Variants in STAU1 observed in about 807,000 individuals in gnomAD.
STAU1 encodes staufen double-stranded RNA binding protein 1.
In STAU1, 13 loss-of-function variants were observed where a neutral mutation model predicts 62.9. The observed-to-expected ratio is 0.21, with a 90% CI of 0.13 to 0.33. STAU1 has a LOEUF of 0.33. Ranked by LOEUF, STAU1 falls within the 10% of genes least tolerant of loss-of-function variation. The pLI, the probability that STAU1 is intolerant of heterozygous loss-of-function variation, is 1.00. For synonymous variants in STAU1, 269 were observed against 265.1 expected (o/e 1.01, Z -0.14); for missense variants, 571 against 712.1 (o/e 0.80, Z 2.25).
At chr20:49,198,105 A>T in the STAU1 span, among the ~76,000 whole-genome samples, 1 of 152,358 alleles carries the variant, frequency 6.6e-6, no homozygotes, top group South Asian at 2.1e-4. Context: ...AAGTTTATAA[A>T]AGTATATGAG....
At chr20:49,119,872 G>T (rs1339407123) in intron 9 of STAU1, 110 bp downstream of exon 9, 24 of 1,338,262 alleles carry the variant, frequency 1.8e-5, no homozygotes, top group Non-Finnish European at 2.3e-5. Flanking sequence ...AGGACTCCTT[G>T]AACTGTCAGG....
At position 49,124,440 on chromosome 20, in the gene STAU1, G is replaced by T. The variant is rs764989061; in HGVS notation, c.757C>A (p.Pro253Thr). The T allele has an allele frequency of 6.2e-7, 1 of 1,614,192 alleles. No individual in the cohort carries two copies. The highest frequency in any genetic ancestry group is 1.7e-5 in the Admixed American group (1 of 60,026). The part of the protein sequence containing the change: ...IAVLEELKKL[P>T]PLPAVERVKP... ...ACTCGTTCAACTGCAGGCAGGGGCGGTAACTTCTTCAGCTCCTCAAGAACA... is the reference window on the plus strand; with the variant it reads ...ACTCGTTCAACTGCAGGCAGGGGCGTTAACTTCTTCAGCTCCTCAAGAACA... The change falls in exon 7 of 14, where the codon CCG (proline) becomes ACG (threonine). Residue 253 changes from proline to threonine, a missense_variant. Coordinates refer to ENST00000371856, the MANE Select transcript of STAU1 (RefSeq NM_017453.4).
chr20:49,160,463 T>C (rs565903305), intron 3 of STAU1, among the ~76,000 whole-genome samples: 5 of 152,276 alleles, frequency 3.3e-5, no homozygotes, highest in South Asian at 4.1e-4. Flanking sequence ...CATCTTACGC[T>C]ACAGCTGCAA....
At chr20:49,146,737 A>C (rs181355071) in intron 5 of STAU1, among the ~76,000 whole-genome samples, 1 of 151,654 alleles carries the variant, frequency 6.6e-6, no homozygotes, top group East Asian at 1.9e-4. Context: ...AGAAACAAAA[A>C]TACATACACA....
At position 49,188,247 on chromosome 20, in the gene STAU1, G is replaced by A. The variant is rs992997750; in HGVS notation, c.-291C>T. On this transcript the variant is annotated 5_prime_UTR_variant, in exon 1 of 14. Coordinates refer to ENST00000371856, the MANE Select transcript of STAU1 (RefSeq NM_017453.4). The stretch of plus-strand genomic sequence containing the variant: ...GAAGAGGCGGAGTGGCCGTGGAGGA[G>A]GCGGGCGCCGCCGGGCCGGGGGGGG... 1 of 117,370 alleles carries A rather than the reference G, an allele frequency of 8.5e-6. No individual in the cohort carries two copies. Among genetic ancestry groups the A allele is most frequent in the Admixed American group, 7.9e-5 (1 of 12,640 alleles). The allele number at this position is 117,370 out of a possible 1,614,324, so 7.3% of individuals were successfully genotyped here.
At chr20:49,191,435 T>C (rs1295262349), upstream of STAU1, among the ~76,000 whole-genome samples, 1 of 152,172 alleles carries the variant, frequency 6.6e-6, no homozygotes, top group African/African-American at 2.4e-5. Flanking sequence ...TCAACTTCCA[T>C]GACAGCAGAG....
intron 5 of STAU1, among the ~76,000 whole-genome samples, chr20:49,143,539 G>A (rs1048938308): frequency 6.6e-5 from 10 of 152,170 alleles, no homozygotes; most frequent in Admixed American, 6.5e-4. Context: ...GCTGTAGTAA[G>A]CCACAATCGT....
In STAU1 at chr20:49,150,276, G is replaced by A. The variant is rs2093220087; in HGVS notation, c.510+1306C>T. On this transcript the variant is annotated intron_variant, in intron 5 of 13. Coordinates refer to ENST00000371856, the MANE Select transcript of STAU1 (RefSeq NM_017453.4). ...TCTTTGACAATCCTTTCATCATCTG[G>A]AAATGGGATTCTCCATATTGTGAAC... Among the ~76,000 whole-genome samples, 4 of 152,186 alleles carry A rather than the reference G, an allele frequency of 2.6e-5. No individual in the cohort carries two copies. The East Asian group carries it at 7.7e-4, about 29-fold the overall frequency.
At chr20:49,164,864 C>A (rs992401053) in intron 3 of STAU1, among the ~76,000 whole-genome samples, 5 of 152,112 alleles carry the variant, frequency 3.3e-5, no homozygotes, top group East Asian at 1.9e-4. Flanking sequence ...ACTTCTGGAA[C>A]CTTCCAGACT....
chr20:49,189,886 C>G (rs964615265), upstream of STAU1, among the ~76,000 whole-genome samples: 3 of 152,158 alleles, frequency 2.0e-5, no homozygotes, highest in Admixed American at 1.3e-4. Flanking sequence ...TCTGAAGAGG[C>G]CCCTCCAAAC....
rs537156684 is a variant in STAU1, at chr20:49,177,330, G to GT, written c.-159-3062dup. ...GCAGGTGGATCGCTTGAGCTCAGGT[G>GT]TTTGAGACCAGCCTGGGCAACATGG... On this transcript the variant is annotated intron_variant, in intron 1 of 13. Coordinates refer to ENST00000371856, the MANE Select transcript of STAU1 (RefSeq NM_017453.4). 4.2e-3 allele frequency among the ~76,000 whole-genome samples: 642 copies of GT among 151,956 alleles called. 6 individuals are homozygous for GT. Among genetic ancestry groups the GT allele is most frequent in the African/African-American group, 0.015 (603 of 41,490 alleles).
At chr20:49,154,638 G>A (rs944170976) in intron 3 of STAU1, among the ~76,000 whole-genome samples, 1 of 152,218 alleles carries the variant, frequency 6.6e-6, no homozygotes, top group Admixed American at 6.5e-5. Context: ...GGCCAAGGCA[G>A]GAGGATCACA....
chr20:49,193,370 C>CT, the STAU1 span, among the ~76,000 whole-genome samples: 1 of 151,670 alleles, frequency 6.6e-6, no homozygotes, highest in South Asian at 2.1e-4. Flanking sequence ...GAGCAAGACT[C>CT]TGTCTCTAAA....
chr20:49,207,527 T>G, the STAU1 span, among the ~76,000 whole-genome samples: 20 of 152,320 alleles, frequency 1.3e-4, no homozygotes, highest in African/African-American at 2.6e-4. Flanking sequence ...TTGGTTGGTT[T>G]GTTTTTGAGA....
Position 49,134,796 on chromosome 20 carries a change from C to A in STAU1, c.609+1037G>T. The A allele has an allele frequency of 2.3e-6, 3 of 1,294,336 alleles. No homozygotes were observed. In the South Asian group the frequency reaches 3.5e-5, roughly 15 times the overall value. The allele number at this position is 1,294,336 out of a possible 1,614,324, so 80.2% of individuals were successfully genotyped here. A position where few individuals can be genotyped will look rare whatever the true frequency, so the allele number is the denominator to read the frequency against. Reference sequence around the variant, plus strand: ...CTGGGAATCATTAGTTTTCCCATTCCTGGAGAGCCTGGTTTTCCACTTCAC... The same window carrying A: ...CTGGGAATCATTAGTTTTCCCATTCATGGAGAGCCTGGTTTTCCACTTCAC... On this transcript the variant is annotated intron_variant, in intron 6 of 13. Transcript: ENST00000371856.
In STAU1 at chr20:49,166,164, G is replaced by T; in HGVS notation, c.38C>A (p.Ala13Asp). The T allele has an allele frequency of 6.2e-7, 1 of 1,614,190 alleles. No individual in the cohort carries two copies. Residue 13 changes from alanine (A) to aspartate (D), a missense_variant, in exon 3 of 14, where the codon GCT (alanine) becomes GAT (aspartate). Coordinates refer to ENST00000371856, the MANE Select transcript of STAU1 (RefSeq NM_017453.4). ...CAGTATTTGGCTCCCTGAGAGAGCA[G>T]CAGATGGGTTCTGAACTTGCACTTG... Reference protein sequence around the residue: ...QVQVQVQNPSAALSGSQILNK... With the variant: ...QVQVQVQNPSDALSGSQILNK...
intron 6 of STAU1, among the ~76,000 whole-genome samples, chr20:49,126,588 C>CAAAAACAAAACAAAACA (rs2092624321): frequency 1.8e-5 from 1 of 56,348 alleles, no homozygotes; most frequent in African/African-American, 6.4e-5. Context: ...AAAAAAAAAA[C>CAAAAACAAAACAAAACA]AAAAAAAAAA....
In STAU1 at chr20:49,184,712, A is replaced by G. The variant is rs114073865; in HGVS notation, c.-160+3404T>C. On this transcript the variant is annotated intron_variant, in intron 1 of 13. Transcript: ENST00000371856. ...TACGTTAAGCTTAATGGGAAGCACT[A>G]CACATTTTTAAAAATGTGTTGTGTC... is the stretch of plus-strand genomic sequence containing the variant. Among the ~76,000 whole-genome samples, 803 of 152,290 alleles carry G rather than the reference A, an allele frequency of 5.3e-3. 7 individuals are homozygous for G. Among genetic ancestry groups the G allele is most frequent in the African/African-American group, 0.019 (778 of 41,548 alleles).
At chr20:49,139,077 A>G (rs952926740) in intron 5 of STAU1, among the ~76,000 whole-genome samples, 3 of 152,200 alleles carry the variant, frequency 2.0e-5, no homozygotes, top group Non-Finnish European at 4.4e-5. Flanking sequence ...CTTACCCCAC[A>G]CCACTAAAAA....
Sources: gnomAD v4.1 joint callset for allele counts (sites outside exome capture counted in the v4.1 genomes callset) on GRCh38, gnomAD v4.1.1 for gene constraint, MANE v1.5 for transcripts, NCBI Gene and HGNC (gene_info 2026-07-23, HGNC 2026-07-21) for gene names.